DLC1: variants seen among roughly 807,000 people sequenced by gnomAD.
The protein encoded by DLC1 is rho GTPase-activating protein 7.
In DLC1, 54 loss-of-function variants were observed where a neutral mutation model predicts 140.3. The observed-to-expected ratio is 0.38, with a 90% CI of 0.31 to 0.48. DLC1 has a LOEUF of 0.48. DLC1 is among the 20% of genes least tolerant of loss of function. DLC1 has a pLI of 0.96. For missense variants in DLC1, 2,536 were observed against 1,907.0 expected (o/e 1.33, Z -6.14); for synonymous variants, 986 against 728.1 (o/e 1.35, Z -5.70).
intron 2 of DLC1, among the ~76,000 whole-genome samples, chr8:13,431,375 C>T (rs1196961324): frequency 1.4e-5 from 2 of 145,968 alleles, no homozygotes; most frequent in Non-Finnish European, 3.0e-5. Flanking sequence ...CCCAGCTACT[C>T]GGGAGGCTGA....
intron 4 of DLC1, among the ~76,000 whole-genome samples, chr8:13,359,610 A>G (rs2117069014): frequency 6.6e-6 from 1 of 152,338 alleles, no homozygotes; most frequent in South Asian, 2.1e-4. Context: ...TTTGTCTACA[A>G]CAGCAATCAT....
intron 10 of DLC1, chr8:13,095,573 C>A (rs1009783821): frequency 1.9e-5 from 5 of 259,818 alleles, no homozygotes; most frequent in Non-Finnish European, 3.8e-5. Context: ...CAGTTAGGAG[C>A]GTCCTTCCAC....
chr8:13,602,961 G>A (rs1291598231), intron 1 of DLC1, among the ~76,000 whole-genome samples: 2 of 151,820 alleles, frequency 1.3e-5, no homozygotes, highest in African/African-American at 4.8e-5. Flanking sequence ...AGGTCTTTGT[G>A]CTGGGTTGAA....
intron 5 of DLC1, among the ~76,000 whole-genome samples, chr8:13,286,267 A>G (rs1831531500): frequency 1.3e-5 from 2 of 152,182 alleles, no homozygotes; most frequent in South Asian, 4.1e-4. Flanking sequence ...GGAGGTGGAG[A>G]GGAGGTGGTT....
At chr8:13,283,717 A>G (rs1334250340) in intron 5 of DLC1, among the ~76,000 whole-genome samples, 2 of 152,010 alleles carry the variant, frequency 1.3e-5, no homozygotes, top group Non-Finnish European at 2.9e-5. Context: ...ATATCCCTAT[A>G]TTGCCCAGGA....
chr8:13,167,595 A>T (rs1825194425), intron 5 of DLC1, among the ~76,000 whole-genome samples: 2 of 152,162 alleles, frequency 1.3e-5, no homozygotes, highest in African/African-American at 4.8e-5. Context: ...TCCCGGAAAG[A>T]GCACAGCCTT....
chr8:13,110,998 C>T (rs903741829), intron 6 of DLC1, among the ~76,000 whole-genome samples, 175 bp from the exon 7 acceptor site: 5 of 152,166 alleles, frequency 3.3e-5, no homozygotes, highest in African/African-American at 1.2e-4. Context: ...GCCAATCGGG[C>T]ATCACTGTCC....
At chr8:13,572,068 G>A (rs1223092107) in intron 1 of DLC1, among the ~76,000 whole-genome samples, 3 of 148,160 alleles carry the variant, frequency 2.0e-5, no homozygotes, top group Admixed American at 6.9e-5. Flanking sequence ...ATTTTATTGA[G>A]TTTCAGGATT....
intron 5 of DLC1, among the ~76,000 whole-genome samples, chr8:13,246,147 C>T (rs1271066251): frequency 6.6e-6 from 1 of 152,116 alleles, no homozygotes; most frequent in African/African-American, 2.4e-5. Context: ...AACACTTCCA[C>T]CTAGAACTGA....
At chr8:13,438,677 C>T (rs541270198) in intron 2 of DLC1, among the ~76,000 whole-genome samples, 1 of 152,266 alleles carries the variant, frequency 6.6e-6, no homozygotes, top group Non-Finnish European at 1.5e-5. Flanking sequence ...GAGGAAACGC[C>T]TCCCCTAATC....
chr8:13,596,715 A>T (rs930955568), intron 1 of DLC1, among the ~76,000 whole-genome samples: 1 of 152,040 alleles, frequency 6.6e-6, no homozygotes, highest in Non-Finnish European at 1.5e-5. Flanking sequence ...TTCAGCCTCC[A>T]TCTAAAACCC....
intron 2 of DLC1, among the ~76,000 whole-genome samples, chr8:13,474,346 G>A (rs1485242143): frequency 6.6e-6 from 1 of 152,232 alleles, no homozygotes; most frequent in African/African-American, 2.4e-5. Flanking sequence ...TTCAGAGGAT[G>A]TATGGAAACA....
chr8:13,450,014 G>A (rs1027836907), intron 2 of DLC1, among the ~76,000 whole-genome samples: 2 of 151,652 alleles, frequency 1.3e-5, no homozygotes, highest in Non-Finnish European at 2.9e-5. Flanking sequence ...GTGGCAGTCA[G>A]TTATAGTATG....
At chr8:13,547,199 T>A (rs919484428) in intron 1 of DLC1, among the ~76,000 whole-genome samples, 2 of 152,126 alleles carry the variant, frequency 1.3e-5, no homozygotes, top group Admixed American at 6.6e-5. Context: ...TTAGAACTCA[T>A]AATAAACAAC....
chr8:13,359,232 C>CTAAGGCTTCTCTGAACT (rs1835104277), intron 4 of DLC1, among the ~76,000 whole-genome samples: 1 of 152,046 alleles, frequency 6.6e-6, no homozygotes, highest in Non-Finnish European at 1.5e-5. Context: ...GCCACCGCAC[C>CTAAGGCTTCTCTGAACT]CATCCTACAA....
chr8:13,141,724 AACTT>A (rs1232532279), intron 5 of DLC1, among the ~76,000 whole-genome samples: 1 of 152,206 alleles, frequency 6.6e-6, no homozygotes, highest in Non-Finnish European at 1.5e-5. Context: ...CCAGATCATT[AACTT>A]ACTTTAATAG....
In DLC1 at chr8:13,466,957, AAC is replaced by A. The variant is rs869176507; in HGVS notation, c.1023+32090_1023+32091del. ...GTTGTCTACTATTTCACAAAAAAAAAACCCCTCCACGTTATTGACTCTATATG... is the reference window on the plus strand; with the variant it reads ...GTTGTCTACTATTTCACAAAAAAAAACCCTCCACGTTATTGACTCTATATG... On this transcript the variant is annotated intron_variant, in intron 2 of 17. Coordinates refer to ENST00000276297, the MANE Select transcript of DLC1 (RefSeq NM_182643.3). 2.6e-3 allele frequency among the ~76,000 whole-genome samples: 143 copies of A among 55,840 alleles called. 1 individual carries two copies. In the South Asian group the frequency reaches 0.049, roughly 19 times the overall value. The allele number at this position is 55,840 out of a possible 152,430, so 36.6% of individuals were successfully genotyped here. A position where few individuals can be genotyped will look rare whatever the true frequency, so the allele number is the denominator to read the frequency against.
At chr8:13,090,231 G>C in intron 15 of DLC1, 21 bp downstream of exon 15, 1 of 1,607,436 alleles carries the variant, frequency 6.2e-7, no homozygotes, top group Non-Finnish European at 8.5e-7. Context: ...TCAACTAGCC[G>C]ACAACAGGGT....
intron 2 of DLC1, among the ~76,000 whole-genome samples, chr8:13,411,007 C>A (rs753083480): frequency 6.6e-6 from 1 of 152,176 alleles, no homozygotes; most frequent in Non-Finnish European, 1.5e-5. Context: ...AGAGCTGATT[C>A]TTGGAAAACG....
Sources: allele counts gnomAD v4.1 joint callset (sites outside exome capture counted in the v4.1 genomes callset), GRCh38; gene constraint gnomAD v4.1.1; transcripts MANE v1.5; gene names NCBI Gene and HGNC (gene_info 2026-07-23, HGNC 2026-07-21).